B4GALT5: variants seen among roughly 807,000 people sequenced by gnomAD.
B4GALT5 encodes beta-1,4-galactosyltransferase 5.
Under a neutral mutation model 45.0 loss-of-function variants are expected in B4GALT5, and 11 were observed. The observed-to-expected ratio is 0.24, with a 90% CI of 0.15 to 0.40. The LOEUF (loss-of-function observed/expected upper bound fraction) is 0.40. B4GALT5 is among the 10% of genes least tolerant of loss of function. B4GALT5 has a pLI of 1.00. For missense variants in B4GALT5, 337 were observed against 500.2 expected (o/e 0.67, Z 3.11); for synonymous variants, 185 against 182.9 (o/e 1.01, Z -0.09).
intron 1 of B4GALT5, among the ~76,000 whole-genome samples, chr20:49,689,961 G>A (rs1214584671): frequency 6.6e-6 from 1 of 152,106 alleles, no homozygotes; most frequent in African/African-American, 2.4e-5. Flanking sequence ...GTTCTGAGGA[G>A]CTAGGTCTCT....
At chr20:49,702,784 G>C (rs1008764772) in intron 1 of B4GALT5, among the ~76,000 whole-genome samples, 2 of 152,060 alleles carry the variant, frequency 1.3e-5, no homozygotes, top group African/African-American at 4.8e-5. Flanking sequence ...GAGCCTGAGA[G>C]GTTGAGGCTG....
chr20:49,643,664 G>A lies in B4GALT5; in HGVS notation c.365-14C>T. The stretch of plus-strand genomic sequence containing the variant: ...CTATTGGGCCCTCTGAACAGAGACG[G>A]GGAAAAGGGATTAAGAGGTCAGAAA... On this transcript the variant is annotated splice_polypyrimidine_tract_variant and intron_variant, in intron 3 of 8. Coordinates refer to ENST00000371711, the MANE Select transcript of B4GALT5 (RefSeq NM_004776.4). 1 of 1,610,352 alleles carries A rather than the reference G, an allele frequency of 6.2e-7. No homozygotes were observed. The highest frequency in any genetic ancestry group is 8.5e-7 in the Non-Finnish European group (1 of 1,177,400).
intron 1 of B4GALT5, among the ~76,000 whole-genome samples, chr20:49,708,785 A>G (rs1266071221): frequency 6.6e-6 from 1 of 152,118 alleles, no homozygotes; most frequent in East Asian, 1.9e-4. Flanking sequence ...ATCAAAAATT[A>G]GCCGGGTGTG....
At chr20:49,652,588 A>AG (rs2085626968) in intron 2 of B4GALT5, among the ~76,000 whole-genome samples, 1 of 151,826 alleles carries the variant, frequency 6.6e-6, no homozygotes, top group African/African-American at 2.4e-5. Context: ...AAAGCACACC[A>AG]GCATGACTTT....
intron 1 of B4GALT5, among the ~76,000 whole-genome samples, chr20:49,700,677 CGAT>C (rs1197037418): frequency 1.4e-4 from 22 of 152,078 alleles, no homozygotes; most frequent in Non-Finnish European, 2.9e-4. Context: ...TGTGACACCA[CGAT>C]GATGATGTGA....
At chr20:49,712,561 T>C (rs1318020628) in intron 1 of B4GALT5, among the ~76,000 whole-genome samples, 1 of 152,094 alleles carries the variant, frequency 6.6e-6, no homozygotes, top group African/African-American at 2.4e-5. Context: ...CTTTCCTCCA[T>C]GCTCCCCCTT....
At chr20:49,650,595 C>T (rs920404074) in intron 2 of B4GALT5, among the ~76,000 whole-genome samples, 26 of 152,200 alleles carry the variant, frequency 1.7e-4, no homozygotes, top group African/African-American at 5.3e-4. Flanking sequence ...TGAGATCACA[C>T]GGTTGCACTC....
intron 3 of B4GALT5, among the ~76,000 whole-genome samples, chr20:49,646,451 T>C (rs112975157): frequency 1.7e-3 from 263 of 152,302 alleles, no homozygotes; most frequent in Non-Finnish European, 3.1e-3. Flanking sequence ...CTGTACCTTT[T>C]CTATGTTTAG....
intron 1 of B4GALT5, among the ~76,000 whole-genome samples, chr20:49,676,678 G>A (rs1192869604): frequency 1.3e-5 from 2 of 152,234 alleles, no homozygotes; most frequent in African/African-American, 4.8e-5. Flanking sequence ...GAGCAGATGC[G>A]TACAAACTCC....
chr20:49,672,526 C>T (rs1672111531), intron 1 of B4GALT5, among the ~76,000 whole-genome samples: 1 of 151,984 alleles, frequency 6.6e-6, no homozygotes, highest in African/African-American at 2.4e-5. Flanking sequence ...ATGCAGAATG[C>T]TGGATTATTT....
At chr20:49,656,155 G>A (rs544286983) in intron 2 of B4GALT5, among the ~76,000 whole-genome samples, 1 of 152,132 alleles carries the variant, frequency 6.6e-6, no homozygotes, top group South Asian at 2.1e-4. Context: ...TTGTTAAGAA[G>A]AGCCTGGCCC....
Position 49,635,965 on chromosome 20 carries a change from C to T in B4GALT5, c.*347G>A. The stretch of plus-strand genomic sequence containing the variant: ...GACAGGCTCCACGGCAGGACCACGG[C>T]AGGACCACGGCAGATCACAGTTCAT... On this transcript the variant is annotated 3_prime_UTR_variant, in exon 9 of 9. Transcript: ENST00000371711. 1 of 241,446 alleles carries T rather than the reference C, an allele frequency of 4.1e-6. No individual in the cohort carries two copies. The highest frequency in any genetic ancestry group is 8.3e-6 in the Non-Finnish European group (1 of 121,076). The allele number at this position is 241,446 out of a possible 1,614,324, so 15.0% of individuals were successfully genotyped here.
At chr20:49,676,995 T>A (rs1888340481) in intron 1 of B4GALT5, among the ~76,000 whole-genome samples, 1 of 152,202 alleles carries the variant, frequency 6.6e-6, no homozygotes, top group South Asian at 2.1e-4. Context: ...TGTCCTTATA[T>A]TTGTATGTGT....
intron 1 of B4GALT5, among the ~76,000 whole-genome samples, chr20:49,703,244 C>G (rs2146360960): frequency 6.7e-6 from 1 of 150,014 alleles, no homozygotes; most frequent in African/African-American, 2.4e-5. Context: ...CACTTAATTA[C>G]TTAAATTACT....
chr20:49,712,759 T>C (rs2085920333), intron 1 of B4GALT5, among the ~76,000 whole-genome samples: 1 of 133,738 alleles, frequency 7.5e-6, no homozygotes, highest in African/African-American at 2.8e-5. Flanking sequence ...GGTCTTCAGT[T>C]GAGAAAGAAG....
intron 1 of B4GALT5, among the ~76,000 whole-genome samples, chr20:49,705,782 A>G (rs1331753237): frequency 6.6e-6 from 1 of 152,098 alleles, no homozygotes; most frequent in East Asian, 1.9e-4. Flanking sequence ...GAAAACAGGA[A>G]AAAAAATTCA....
intron 1 of B4GALT5, 24 bp downstream of exon 1, chr20:49,713,552 C>G: frequency 6.4e-7 from 1 of 1,550,808 alleles, no homozygotes. Flanking sequence ...CGGCAGCCGC[C>G]GCGGTCCCAA....
chr20:49,638,149 G>A lies in B4GALT5; in HGVS notation c.918-707C>T, dbSNP rs576208631. Among the ~76,000 whole-genome samples, 9 of 152,028 alleles carry A rather than the reference G, an allele frequency of 5.9e-5. 1 individual carries two copies. Among genetic ancestry groups the A allele is most frequent in the African/African-American group, 1.9e-4 (8 of 41,460 alleles). ...TCCTCCCATCTCAGCCTCCTGAGTA[G>A]CTGGGACTACAGGCGTGTGCCACCA... On this transcript the variant is annotated intron_variant, in intron 7 of 8. Coordinates refer to ENST00000371711, the MANE Select transcript of B4GALT5 (RefSeq NM_004776.4).
At position 49,633,519 on chromosome 20, in the gene B4GALT5, A is replaced by G. The variant is rs1201256384; in HGVS notation, c.*2793T>C. The G allele has an allele frequency of 6.6e-6, 1 of 151,398 alleles. No homozygotes were observed. Among genetic ancestry groups the G allele is most frequent in the East Asian group, 1.9e-4 (1 of 5,170 alleles). 9.4% of individuals were successfully genotyped at this position (151,398 alleles called of 1,614,324 possible). Reference sequence around the variant, plus strand: ...TACGTTTTTAACTATGACATTTCCCATATGATATTCGAGGCCTGGTGGACA... The same window carrying G: ...TACGTTTTTAACTATGACATTTCCCGTATGATATTCGAGGCCTGGTGGACA... On this transcript the variant is annotated 3_prime_UTR_variant, in exon 9 of 9. Coordinates refer to ENST00000371711, the MANE Select transcript of B4GALT5 (RefSeq NM_004776.4).
Sources: allele counts gnomAD v4.1 joint callset (sites outside exome capture counted in the v4.1 genomes callset), GRCh38; gene constraint gnomAD v4.1.1; transcripts MANE v1.5; gene names NCBI Gene and HGNC (gene_info 2026-07-23, HGNC 2026-07-21).